The following RORA variants were observed in gnomAD, a reference collection of about 807,000 sequenced individuals.
RORA encodes nuclear receptor ROR-alpha.
RORA carries 7 observed loss-of-function variants against 69.5 expected under a neutral mutation model. The ratio of observed to expected loss-of-function variants is 0.10; its 90% CI spans 0.06 to 0.19. The LOEUF (loss-of-function observed/expected upper bound fraction) is 0.19. Ranked by LOEUF, RORA falls within the 10% of genes least tolerant of loss-of-function variation. The pLI, the probability that RORA is intolerant of heterozygous loss-of-function variation, is 1.00. For synonymous variants in RORA, 261 were observed against 240.8 expected (o/e 1.08, Z -0.78); for missense variants, 457 against 663.0 (o/e 0.69, Z 3.41).
chr15:61,012,565 A>C (rs1895120548), intron 1 of RORA, among the ~76,000 whole-genome samples: 1 of 152,246 alleles, frequency 6.6e-6, no homozygotes, highest in Non-Finnish European at 1.5e-5. Flanking sequence ...CACTTTAATA[A>C]TAGACTTGTA....
intron 1 of RORA, among the ~76,000 whole-genome samples, chr15:61,206,386 T>C (rs192285544): frequency 2.6e-5 from 4 of 152,324 alleles, no homozygotes; most frequent in East Asian, 3.9e-4. Flanking sequence ...CAGCTACTTA[T>C]AAAACAATAG....
At chr15:60,833,056 C>A (rs1018960028) in intron 1 of RORA, among the ~76,000 whole-genome samples, 1 of 151,942 alleles carries the variant, frequency 6.6e-6, no homozygotes. Context: ...AGGCGCCCAC[C>A]ACCATGCCCG....
intron 1 of RORA, among the ~76,000 whole-genome samples, chr15:61,184,281 T>C (rs1300743333): frequency 6.6e-6 from 1 of 152,346 alleles, no homozygotes; most frequent in East Asian, 1.9e-4. Context: ...CACATTTCCC[T>C]GTGCTCTTTG....
At chr15:61,100,289 T>A (rs953523986) in intron 1 of RORA, among the ~76,000 whole-genome samples, 3 of 151,962 alleles carry the variant, frequency 2.0e-5, no homozygotes, top group African/African-American at 4.8e-5. Context: ...CAGCTAATTT[T>A]TTGTATTTTT....
intron 1 of RORA, among the ~76,000 whole-genome samples, chr15:61,000,464 G>A (rs551811412): frequency 5.9e-5 from 9 of 152,266 alleles, no homozygotes; most frequent in Non-Finnish European, 1.0e-4. Flanking sequence ...GTGAGTGAAG[G>A]GACATCAGGA....
chr15:60,972,887 C>G (rs12440921), intron 1 of RORA, among the ~76,000 whole-genome samples: 7,043 of 152,116 alleles, frequency 0.046, 228 homozygotes, highest in Middle Eastern at 0.078. Flanking sequence ...TCATTATCCT[C>G]TGACCTGAGT....
At chr15:61,004,746 C>T (rs372128089) in intron 1 of RORA, among the ~76,000 whole-genome samples, 1 of 152,132 alleles carries the variant, frequency 6.6e-6, no homozygotes, top group African/African-American at 2.4e-5. Flanking sequence ...AAGAAGAACA[C>T]ACACCTGCAA....
At chr15:60,863,718 A>T (rs547629321) in intron 1 of RORA, among the ~76,000 whole-genome samples, 4 of 152,204 alleles carry the variant, frequency 2.6e-5, no homozygotes, top group African/African-American at 9.6e-5. Flanking sequence ...CAGAGCTTCA[A>T]ACTCAGTCAA....
intron 1 of RORA, among the ~76,000 whole-genome samples, chr15:61,043,500 G>A (rs1277813392): frequency 1.3e-5 from 2 of 152,146 alleles, no homozygotes; most frequent in Admixed American, 6.5e-5. Context: ...GCCCTTAAAC[G>A]CTATTTCAGA....
intron 1 of RORA, among the ~76,000 whole-genome samples, chr15:61,118,955 A>G (rs572058614): frequency 1.9e-3 from 288 of 152,258 alleles, no homozygotes; most frequent in African/African-American, 6.7e-3. Flanking sequence ...TAATACTGAC[A>G]TCAAGCGCAA....
chr15:60,653,244 C>T (rs2070170790), intron 2 of RORA, among the ~76,000 whole-genome samples: 1 of 152,084 alleles, frequency 6.6e-6, no homozygotes, highest in Non-Finnish European at 1.5e-5. Flanking sequence ...CTGGCTGCCA[C>T]ATATGAGCCA....
chr15:60,780,852 A>G (rs1234977765), intron 1 of RORA, among the ~76,000 whole-genome samples: 1 of 152,220 alleles, frequency 6.6e-6, no homozygotes, highest in Middle Eastern at 3.2e-3. Flanking sequence ...TAGCAAGGGA[A>G]GGGACAACCA....
At chr15:61,097,707 T>A (rs1468874611) in intron 1 of RORA, among the ~76,000 whole-genome samples, 3 of 152,170 alleles carry the variant, frequency 2.0e-5, no homozygotes, top group Non-Finnish European at 4.4e-5. Context: ...TTTTAATTTT[T>A]AAAATACATC....
intron 5 of RORA, 86 bp from the exon 6 acceptor site, chr15:60,505,715 A>C: frequency 6.8e-7 from 1 of 1,476,774 alleles, no homozygotes. Context: ...AGAAATAACA[A>C]GTAGAAAACA....
At chr15:60,656,200 G>A (rs1054353146) in intron 2 of RORA, among the ~76,000 whole-genome samples, 2 of 152,116 alleles carry the variant, frequency 1.3e-5, no homozygotes, top group African/African-American at 4.8e-5. Flanking sequence ...TCCTCACTTC[G>A]CAGATACGGA....
chr15:60,787,291 G>T (rs535865805), intron 1 of RORA, among the ~76,000 whole-genome samples: 1 of 152,284 alleles, frequency 6.6e-6, no homozygotes, highest in Middle Eastern at 3.4e-3. Flanking sequence ...GCATGCACGC[G>T]ATTCAACAAT....
intron 2 of RORA, among the ~76,000 whole-genome samples, chr15:60,655,091 T>C (rs1289508053): frequency 1.3e-5 from 2 of 152,140 alleles, no homozygotes; most frequent in Non-Finnish European, 2.9e-5. Context: ...TAAAGTAATA[T>C]TTGTTGGATG....
intron 1 of RORA, among the ~76,000 whole-genome samples, chr15:60,939,767 T>C (rs79271390): frequency 0.082 from 12,544 of 152,284 alleles, 936 homozygotes; most frequent in African/African-American, 0.18. Context: ...GTGCTAGCCC[T>C]GTACCCCTGC....
intron 1 of RORA, among the ~76,000 whole-genome samples, chr15:61,062,921 G>GT (rs563296262): frequency 5.0e-4 from 75 of 151,090 alleles, no homozygotes; most frequent in African/African-American, 1.7e-3. Flanking sequence ...TTCTATATTT[G>GT]TTTTTTTTTC....
Sources: allele counts gnomAD v4.1 joint callset (sites outside exome capture counted in the v4.1 genomes callset), GRCh38; gene constraint gnomAD v4.1.1; transcripts MANE v1.5; gene names NCBI Gene and HGNC (gene_info 2026-07-23, HGNC 2026-07-21).